Variants in C3orf70 observed in about 807,000 individuals in gnomAD.
C3orf70 encodes chromosome 3 open reading frame 70.
A neutral mutation model predicts 20.7 loss-of-function variants in C3orf70; 15 were observed. The observed-to-expected ratio is 0.72, with a 90% CI of 0.48 to 1.11. C3orf70 has a LOEUF of 1.11. Among genes scored for constraint, C3orf70 ranks in the 50% most tolerant of loss-of-function variants. The pLI is 0.00. For missense variants in C3orf70, 332 were observed against 317.6 expected, an observed-to-expected ratio of 1.05 and a Z score of -0.34; for synonymous variants, 161 against 125.7, an observed-to-expected ratio of 1.28 and a Z score of -1.88.
At chr3:185,142,463 A>G (rs1372818041) in intron 1 of C3orf70, among the ~76,000 whole-genome samples, 1 of 152,216 alleles carries the variant, frequency 6.6e-6, no homozygotes, top group Non-Finnish European at 1.5e-5. Context: ...CTACAGTAAC[A>G]TGAGGAAGAT....
chr3:185,099,842 G>A (rs1715785459), intron 1 of C3orf70, among the ~76,000 whole-genome samples: 1 of 152,084 alleles, frequency 6.6e-6, no homozygotes, highest in Non-Finnish European at 1.5e-5. Flanking sequence ...GACACCTACA[G>A]GCTCAAAATA....
intron 1 of C3orf70, among the ~76,000 whole-genome samples, chr3:185,122,922 G>A (rs900984208): frequency 2.6e-5 from 4 of 151,708 alleles, no homozygotes; most frequent in South Asian, 2.1e-4. Context: ...TTGGGAGGCC[G>A]ACGCAGGTGG....
In C3orf70 at chr3:185,141,107, C is replaced by T. The variant is rs138166251; in HGVS notation, c.196+11521G>A. ...TCCCAGAACCCAAAGATGCTGGCAC[C>T]CTTATCTCAGTCTTCCAGCTTCTAG... On this transcript the variant is annotated intron_variant, in intron 1 of 1. Coordinates refer to ENST00000335012, the MANE Select transcript of C3orf70 (RefSeq NM_001025266.3). Among the ~76,000 whole-genome samples, 317 of 152,226 alleles carry T rather than the reference C, an allele frequency of 2.1e-3. 4 individuals are homozygous for T. The highest frequency in any genetic ancestry group is 7.3e-3 in the African/African-American group (302 of 41,548).
intron 1 of C3orf70, among the ~76,000 whole-genome samples, chr3:185,091,953 A>G (rs1715595519): frequency 3.6e-4 from 4 of 11,220 alleles, no homozygotes; most frequent in Non-Finnish European, 5.7e-4. Flanking sequence ...ATATATATAT[A>G]TATATATATA....
At chr3:185,120,061 A>G (rs1034997773) in intron 1 of C3orf70, among the ~76,000 whole-genome samples, 1 of 116,616 alleles carries the variant, frequency 8.6e-6, no homozygotes, top group African/African-American at 3.0e-5. Context: ...AGTGTCTTAC[A>G]AAGATCATAT....
chr3:185,134,116 C>CTCATATATATATATATAT (rs71298571), intron 1 of C3orf70, among the ~76,000 whole-genome samples: 9 of 134,636 alleles, frequency 6.7e-5, no homozygotes, highest in South Asian at 2.5e-4. Context: ...AAAAATACAT[C>CTCATATATATATATATAT]ATATATATAT....
Position 185,079,559 on chromosome 3 carries a change from C to T in C3orf70, c.*3448G>A, listed in dbSNP as rs1243102715. 1.3e-5 allele frequency: 2 copies of T among 152,098 alleles called. No individual in the cohort carries two copies. Among genetic ancestry groups the T allele is most frequent in the Non-Finnish European group, 2.9e-5 (2 of 68,020 alleles). 9.4% of individuals were successfully genotyped at this position (152,098 alleles called of 1,614,324 possible). ...AACCCTTATTTTTTAATATACCAAA[C>T]AGTTGTAACCACAAAAGCACTGTAA... On this transcript the variant is annotated 3_prime_UTR_variant, in exon 2 of 2. Coordinates refer to ENST00000335012, the MANE Select transcript of C3orf70 (RefSeq NM_001025266.3).
rs776858283 is a variant in C3orf70, at chr3:185,083,406, A to AG, written c.353dup (p.Asp119Ter). On this transcript the variant is annotated frameshift_variant, in exon 2 of 2. Coordinates refer to ENST00000335012, the MANE Select transcript of C3orf70 (RefSeq NM_001025266.3). LOFTEE classifies it high-confidence loss of function. The stretch of plus-strand genomic sequence containing the variant: ...AAATCATACAGTACCTCGGTGAGTC[A>AG]GGGGGAAGGGGAGGCTGGAAGACAG... 6.2e-7 allele frequency: 1 copy of AG among 1,614,046 alleles called. No individual in the cohort carries two copies. The highest frequency in any genetic ancestry group is 1.3e-5 in the African/African-American group (1 of 74,926).
At position 185,082,677 on chromosome 3, in the gene C3orf70, T is replaced by C; in HGVS notation, c.*330A>G. On this transcript the variant is annotated 3_prime_UTR_variant, in exon 2 of 2. Coordinates refer to ENST00000335012, the MANE Select transcript of C3orf70 (RefSeq NM_001025266.3). ...AAAACACCGGCTCCTTCCCTTTCGG[T>C]ACCTCCTCAATCTGATCCAAGATTC... is the stretch of plus-strand genomic sequence containing the variant. The C allele has an allele frequency of 4.1e-6, 1 of 244,092 alleles. No homozygotes were observed. Among genetic ancestry groups the C allele is most frequent in the Non-Finnish European group, 7.9e-6 (1 of 126,830 alleles). 15.1% of individuals were successfully genotyped at this position (244,092 alleles called of 1,614,324 possible).
chr3:185,109,384 C>G (rs1716014799), intron 1 of C3orf70, among the ~76,000 whole-genome samples: 2 of 152,192 alleles, frequency 1.3e-5, no homozygotes, highest in South Asian at 2.1e-4. Context: ...TGGATACCAT[C>G]AAGACACCTG....
In C3orf70 at chr3:185,152,733, G is replaced by C; in HGVS notation, c.91C>G (p.Arg31Gly). 5.6e-6 allele frequency: 9 copies of C among 1,593,936 alleles called. No homozygotes were observed. The highest frequency in any genetic ancestry group is 7.7e-6 in the Non-Finnish European group (9 of 1,170,918). The change falls in exon 1 of 2, where the codon CGC (arginine) becomes GGC (glycine). Residue 31 changes from arginine (R) to glycine (G), a missense_variant. By Grantham distance (125) the Arg-to-Gly change is moderately radical. Coordinates refer to ENST00000335012, the MANE Select transcript of C3orf70 (RefSeq NM_001025266.3). ...TCGCACGGCTGGAAGTCGGGTCTGC[G>C]GGCGGCGCAACTCCGCGCCAGGGCC... ...AQALARSCAARRPDFQPCDGL... is the reference protein window; with the variant it reads ...AQALARSCAAGRPDFQPCDGL...
intron 1 of C3orf70, among the ~76,000 whole-genome samples, chr3:185,137,090 A>G (rs1308461404): frequency 6.6e-6 from 1 of 152,172 alleles, no homozygotes; most frequent in Non-Finnish European, 1.5e-5. Flanking sequence ...GACCTGGTGG[A>G]AGGTAACTGA....
intron 1 of C3orf70, among the ~76,000 whole-genome samples, chr3:185,091,896 TACAC>T (rs34123212): frequency 0.59 from 49,580 of 83,368 alleles, 17,175 homozygotes; most frequent in Non-Finnish European, 0.7. Context: ...TATACACACA[TACAC>T]ACACACACAT....
chr3:185,096,945 G>T lies in C3orf70; in HGVS notation c.197-13382C>A, dbSNP rs555043201. On this transcript the variant is annotated intron_variant, in intron 1 of 1. Coordinates refer to ENST00000335012, the MANE Select transcript of C3orf70 (RefSeq NM_001025266.3). ...AGTGCGTTTCTCTGCTGTCCTTTGG[G>T]CTGAACCCCCAGCCTTGGTGAAAGG... Among the ~76,000 whole-genome samples, 17 of 152,230 alleles carry T rather than the reference G, an allele frequency of 1.1e-4. No homozygotes were observed. The South Asian group carries it at 3.1e-3, about 28-fold the overall frequency.
chr3:185,125,432 A>C (rs1030716161), intron 1 of C3orf70, among the ~76,000 whole-genome samples: 1 of 146,718 alleles, frequency 6.8e-6, no homozygotes, highest in Admixed American at 6.8e-5. Flanking sequence ...ACAACAACAA[A>C]AACCAGTTTG....
At chr3:185,097,768 C>T (rs1048424267) in intron 1 of C3orf70, among the ~76,000 whole-genome samples, 7 of 152,164 alleles carry the variant, frequency 4.6e-5, no homozygotes, top group Non-Finnish European at 7.3e-5. Context: ...CAGAAACAAC[C>T]ACGTGAGAAA....
At chr3:185,107,817 C>T (rs1715978336) in intron 1 of C3orf70, among the ~76,000 whole-genome samples, 1 of 152,074 alleles carries the variant, frequency 6.6e-6, no homozygotes, top group African/African-American at 2.4e-5. Context: ...GCTGTAATTC[C>T]AAAAAATTGG....
At chr3:185,142,519 T>C (rs1561368189) in intron 1 of C3orf70, among the ~76,000 whole-genome samples, 3 of 152,274 alleles carry the variant, frequency 2.0e-5, no homozygotes, top group East Asian at 3.9e-4. Flanking sequence ...TGTCATCAAA[T>C]GGTAGAAGGA....
intron 1 of C3orf70, among the ~76,000 whole-genome samples, chr3:185,098,714 A>G (rs1410472401): frequency 6.6e-6 from 1 of 152,216 alleles, no homozygotes; most frequent in Non-Finnish European, 1.5e-5. Flanking sequence ...GGTTAATTTT[A>G]TATGTCAACT....
Sources: gnomAD v4.1 joint callset for allele counts (sites outside exome capture counted in the v4.1 genomes callset) on GRCh38, gnomAD v4.1.1 for gene constraint, MANE v1.5 for transcripts, NCBI Gene and HGNC (gene_info 2026-07-23, HGNC 2026-07-21) for gene names.